The following C9orf85 variants were observed in gnomAD, a reference collection of about 807,000 sequenced individuals.
C9orf85 encodes chromosome 9 open reading frame 85.
Under a neutral mutation model 14.9 loss-of-function variants are expected in C9orf85, and 16 were observed. That is an observed-to-expected ratio of 1.08 (90% CI 0.73 to 1.63). The LOEUF is 1.63. Ranked by LOEUF, C9orf85 falls within the 40% of genes most tolerant of loss-of-function variation. C9orf85 has a pLI of 0.00. For synonymous variants in C9orf85, 45 were observed against 56.8 expected, an observed-to-expected ratio of 0.79 and a Z score of 0.93; for missense variants, 172 against 186.1, an observed-to-expected ratio of 0.92 and a Z score of 0.44.
intron 1 of C9orf85, among the ~76,000 whole-genome samples, chr9:71,935,720 T>C (rs1476330089): frequency 6.6e-6 from 1 of 151,938 alleles, no homozygotes; most frequent in Non-Finnish European, 1.5e-5. Flanking sequence ...AGTGGAATGA[T>C]CGTTGCCAGG....
intron 1 of C9orf85, among the ~76,000 whole-genome samples, chr9:71,945,935 T>C (rs908266462): frequency 6.6e-6 from 1 of 152,232 alleles, no homozygotes; most frequent in Non-Finnish European, 1.5e-5. Flanking sequence ...ATATATAGTC[T>C]GTGTCCTGAA....
chr9:71,949,088 G>A (rs1428270621), intron 2 of C9orf85, among the ~76,000 whole-genome samples: 1 of 152,104 alleles, frequency 6.6e-6, no homozygotes, highest in Non-Finnish European at 1.5e-5. Context: ...AAGATTTGTA[G>A]CTTTCTGAAT....
At chr9:71,982,975 T>A (rs1589279744) in exon 4 of C9orf85, 1 of 159,140 alleles carries the variant, frequency 6.3e-6, no homozygotes, top group East Asian at 1.9e-4. Flanking sequence ...TGACTGAGCA[T>A]CTTTTCTTTT....
intron 1 of C9orf85, among the ~76,000 whole-genome samples, chr9:71,946,726 G>A (rs1822096487): frequency 6.6e-6 from 1 of 151,920 alleles, no homozygotes; most frequent in African/African-American, 2.4e-5. Flanking sequence ...CCCAGGAGGT[G>A]GAGGTTGCAG....
intron 3 of C9orf85, among the ~76,000 whole-genome samples, chr9:71,981,771 T>C (rs1823100819): frequency 6.6e-6 from 1 of 152,188 alleles, no homozygotes; most frequent in Non-Finnish European, 1.5e-5. Flanking sequence ...TAAAAAGGAA[T>C]TCTTGGCCTG....
chr9:71,956,572 T>C (rs910932862), intron 2 of C9orf85, among the ~76,000 whole-genome samples: 2 of 152,104 alleles, frequency 1.3e-5, no homozygotes, highest in African/African-American at 4.8e-5. Context: ...TATTTTATAA[T>C]ACAGTTTTAG....
chr9:71,965,079 G>A (rs753905211), intron 2 of C9orf85, among the ~76,000 whole-genome samples: 3 of 152,130 alleles, frequency 2.0e-5, no homozygotes, highest in South Asian at 2.1e-4. Context: ...AGCTCAGCTC[G>A]AGCAGTAACA....
At chr9:71,967,127 G>C (rs1822714853) in intron 2 of C9orf85, among the ~76,000 whole-genome samples, 1 of 152,120 alleles carries the variant, frequency 6.6e-6, no homozygotes, top group Non-Finnish European at 1.5e-5. Flanking sequence ...TCTAGATCAT[G>C]GTTTTGTTGT....
At chr9:71,945,692 G>T (rs1034822174) in intron 1 of C9orf85, among the ~76,000 whole-genome samples, 4 of 152,050 alleles carry the variant, frequency 2.6e-5, no homozygotes, top group African/African-American at 9.7e-5. Context: ...TTCAAAAATT[G>T]TTTCTTTCAG....
chr9:71,960,935 G>A lies in C9orf85; in HGVS notation c.210-10570G>A, dbSNP rs144575976. The stretch of plus-strand genomic sequence containing the variant: ...ATTGTTTTTTTTTTTTTTTTGAGAC[G>A]GAGTTTTGCTCTTTTTGCCCAAGTT... On this transcript the variant is annotated intron_variant, in intron 2 of 3. Transcript: ENST00000334731. Among the ~76,000 whole-genome samples, 148 of 143,754 alleles carry A rather than the reference G, an allele frequency of 1.0e-3. 1 individual carries two copies. Among genetic ancestry groups the A allele is most frequent in the African/African-American group, 3.6e-3 (137 of 38,414 alleles). The allele number at this position is 143,754 out of a possible 152,430, so 94.3% of individuals were successfully genotyped here.
chr9:71,960,113 AG>A (rs1822477927), intron 2 of C9orf85, among the ~76,000 whole-genome samples: 1 of 152,238 alleles, frequency 6.6e-6, no homozygotes, highest in Non-Finnish European at 1.5e-5. Context: ...GTAAGGCTGC[AG>A]AAAAATGAAA....
intron 1 of C9orf85, among the ~76,000 whole-genome samples, chr9:71,923,447 T>C (rs771504525): frequency 7.2e-5 from 11 of 152,138 alleles, no homozygotes; most frequent in South Asian, 2.1e-4. Context: ...TTTATATTTT[T>C]AGTAGAGATG....
chr9:71,949,528 A>C (rs978262480), intron 2 of C9orf85, among the ~76,000 whole-genome samples: 3 of 152,188 alleles, frequency 2.0e-5, no homozygotes, highest in Non-Finnish European at 2.9e-5. Flanking sequence ...AGGAGGAAAA[A>C]AGTCCTTTCC....
chr9:71,921,846 G>A (rs1827814914), intron 1 of C9orf85, among the ~76,000 whole-genome samples: 1 of 152,040 alleles, frequency 6.6e-6, no homozygotes, highest in African/African-American at 2.4e-5. Context: ...AGCAGAAAGG[G>A]AATTTATTGG....
chr9:71,984,895 T>C (rs1336790094), downstream of C9orf85: 1 of 152,240 alleles, frequency 6.6e-6, no homozygotes, highest in Non-Finnish European at 1.5e-5. Flanking sequence ...TGCCACCACA[T>C]GGGCCAGGCA....
intron 2 of C9orf85, among the ~76,000 whole-genome samples, chr9:71,960,445 T>G (rs1264876191): frequency 6.6e-6 from 1 of 152,224 alleles, no homozygotes; most frequent in East Asian, 1.9e-4. Context: ...TGAATATACA[T>G]TAAATGAAAA....
At chr9:71,945,151 A>G (rs1822051641) in intron 1 of C9orf85, among the ~76,000 whole-genome samples, 1 of 152,260 alleles carries the variant, frequency 6.6e-6, no homozygotes, top group African/African-American at 2.4e-5. Flanking sequence ...TATCACATTC[A>G]TATTGAAGTC....
chr9:71,952,113 C>T (rs1822258497), intron 2 of C9orf85, among the ~76,000 whole-genome samples: 2 of 152,246 alleles, frequency 1.3e-5, no homozygotes, highest in African/African-American at 4.8e-5. Flanking sequence ...CTTACCAAGA[C>T]AAAAGTAAAG....
rs553420042 is a variant in C9orf85 at position 71,918,078 on chromosome 9, G to A, written c.102+6242G>A. Among the ~76,000 whole-genome samples, 20 of 152,274 alleles carry A rather than the reference G, an allele frequency of 1.3e-4. 1 individual carries two copies. Among genetic ancestry groups the A allele is most frequent in the Middle Eastern group, 3.4e-3 (1 of 294 alleles). Reference sequence around the variant, plus strand: ...GCCGCCTGTAATCCCAGCTATTTGGGAGGCTCAGGCAGGGGAACCACTTGA... The same window carrying A: ...GCCGCCTGTAATCCCAGCTATTTGGAAGGCTCAGGCAGGGGAACCACTTGA... On this transcript the variant is annotated intron_variant, in intron 1 of 3. Transcript: ENST00000334731.
Sources: allele counts gnomAD v4.1 joint callset (sites outside exome capture counted in the v4.1 genomes callset), GRCh38; gene constraint gnomAD v4.1.1; transcripts MANE v1.5; gene names NCBI Gene and HGNC (gene_info 2026-07-23, HGNC 2026-07-21).